Variants in PBX3 observed in about 807,000 individuals in gnomAD.
The protein encoded by PBX3 is PBX homeobox 3, also known as pre-B-cell leukemia transcription factor 3.
In PBX3, 14 loss-of-function variants were observed where a neutral mutation model predicts 48.5. The ratio of observed to expected loss-of-function variants is 0.29; its 90% CI spans 0.19 to 0.45. PBX3 has a LOEUF of 0.45. Ranked by LOEUF, PBX3 falls within the 20% of genes least tolerant of loss-of-function variation. PBX3 has a pLI of 1.00. For synonymous variants in PBX3, 210 were observed against 200.3 expected, an observed-to-expected ratio of 1.05 and a Z score of -0.41; for missense variants, 386 against 546.7, an observed-to-expected ratio of 0.71 and a Z score of 2.93.
chr9:125,791,301 G>GTCTATCTATCTA (rs61202902), intron 2 of PBX3, among the ~76,000 whole-genome samples: 6,872 of 108,888 alleles, frequency 0.063, 180 homozygotes, highest in African/African-American at 0.071. Flanking sequence ...CTGTCTGTCT[G>GTCTATCTATCTA]TCTATCTATC....
At chr9:125,747,872 G>C (rs1197806911) in intron 1 of PBX3, among the ~76,000 whole-genome samples, 2 of 151,760 alleles carry the variant, frequency 1.3e-5, no homozygotes, top group African/African-American at 2.4e-5. Flanking sequence ...GGACGGACTC[G>C]GTGCGGCGCG....
chr9:125,785,330 G>A (rs766836854), intron 2 of PBX3, among the ~76,000 whole-genome samples: 1 of 152,194 alleles, frequency 6.6e-6, no homozygotes, highest in Non-Finnish European at 1.5e-5. Context: ...GCGTGGGTGG[G>A]CACCATTCAA....
chr9:125,895,981 T>C (rs551868884), intron 2 of PBX3, among the ~76,000 whole-genome samples: 2 of 152,180 alleles, frequency 1.3e-5, no homozygotes, highest in East Asian at 3.9e-4. Context: ...TCACACTACT[T>C]AGATTTTAAT....
intron 2 of PBX3, among the ~76,000 whole-genome samples, chr9:125,902,196 A>T (rs1386768741): frequency 6.6e-6 from 1 of 151,644 alleles, no homozygotes; most frequent in African/African-American, 2.4e-5. Flanking sequence ...ATTAGACTGA[A>T]TTTTTAGTTA....
At chr9:125,892,226 A>G (rs76059694) in intron 2 of PBX3, among the ~76,000 whole-genome samples, 5,636 of 152,186 alleles carry the variant, frequency 0.037, 362 homozygotes, top group African/African-American at 0.13. Flanking sequence ...CCTGGCCTCA[A>G]TCAGCATTTT....
chr9:125,911,457 C>T (rs1841201319), intron 2 of PBX3, among the ~76,000 whole-genome samples: 1 of 152,042 alleles, frequency 6.6e-6, no homozygotes, highest in South Asian at 2.1e-4. Flanking sequence ...CACTATCCTG[C>T]ATGTTACTTT....
intron 2 of PBX3, among the ~76,000 whole-genome samples, chr9:125,819,123 A>G (rs1428554101): frequency 6.6e-6 from 1 of 151,530 alleles, no homozygotes; most frequent in Non-Finnish European, 1.5e-5. Context: ...GGTATGGGCC[A>G]CTGTGCCTGG....
chr9:125,854,562 C>A (rs1447438384), intron 2 of PBX3, among the ~76,000 whole-genome samples: 3 of 152,142 alleles, frequency 2.0e-5, no homozygotes, highest in Non-Finnish European at 4.4e-5. Flanking sequence ...ATTAACATTT[C>A]TTCTCTAGTT....
At chr9:125,831,769 A>G (rs1314994485) in intron 2 of PBX3, among the ~76,000 whole-genome samples, 3 of 152,172 alleles carry the variant, frequency 2.0e-5, no homozygotes, top group East Asian at 3.8e-4. Flanking sequence ...ACATTTGTCC[A>G]GTGGGAACCC....
At chr9:125,952,292 G>T (rs1340510539) in intron 5 of PBX3, among the ~76,000 whole-genome samples, 2 of 152,150 alleles carry the variant, frequency 1.3e-5, no homozygotes, top group African/African-American at 4.8e-5. Flanking sequence ...CCAAACAAGT[G>T]CAGATCCTCT....
Position 125,965,925 on chromosome 9 carries a change from C to T in PBX3, c.*2C>T, listed in dbSNP as rs1842522853. 6.2e-7 allele frequency: 1 copy of T among 1,608,728 alleles called. No homozygotes were observed. ...GTGCACTCGGATACCTCTAACTAATCTCTGGCCACACTTTTCCCTGAGCTA... is the reference window on the plus strand; with the variant it reads ...GTGCACTCGGATACCTCTAACTAATTTCTGGCCACACTTTTCCCTGAGCTA... On this transcript the variant is annotated 3_prime_UTR_variant, in exon 9 of 9. Transcript: ENST00000373489.
intron 2 of PBX3, among the ~76,000 whole-genome samples, chr9:125,903,260 G>C (rs1840993173): frequency 6.6e-6 from 1 of 151,738 alleles, no homozygotes; most frequent in Non-Finnish European, 1.5e-5. Flanking sequence ...ATACACATGT[G>C]ATTCAGTTAT....
chr9:125,955,350 C>G (rs140355493), intron 5 of PBX3, among the ~76,000 whole-genome samples: 402 of 152,298 alleles, frequency 2.6e-3, no homozygotes, highest in African/African-American at 9.0e-3. Flanking sequence ...GGTACCAATG[C>G]CTTCCCCATC....
At chr9:125,882,362 A>AG (rs1840402008) in intron 2 of PBX3, among the ~76,000 whole-genome samples, 1 of 152,012 alleles carries the variant, frequency 6.6e-6, no homozygotes, top group African/African-American at 2.4e-5. Flanking sequence ...TGTGTCTCAA[A>AG]TGAAGAGTTT....
At chr9:125,790,254 CTTTCT>C (rs1252629730) in intron 2 of PBX3, among the ~76,000 whole-genome samples, 2 of 150,566 alleles carry the variant, frequency 1.3e-5, no homozygotes, top group African/African-American at 5.0e-5. Context: ...TTCTTTCTTT[CTTTCT>C]TTTTTTTTTT....
intron 2 of PBX3, among the ~76,000 whole-genome samples, chr9:125,831,794 C>T (rs1838969385): frequency 6.6e-6 from 1 of 152,158 alleles, no homozygotes; most frequent in South Asian, 2.1e-4. Context: ...AAGTTGGCTC[C>T]TGTGTCCTTC....
intron 2 of PBX3, among the ~76,000 whole-genome samples, chr9:125,763,994 C>A (rs1040317792): frequency 2.0e-5 from 3 of 152,154 alleles, no homozygotes; most frequent in African/African-American, 4.8e-5. Flanking sequence ...CTTGTTAGAT[C>A]ATTTCCCTTC....
intron 2 of PBX3, among the ~76,000 whole-genome samples, chr9:125,845,134 A>G (rs571303800): frequency 3.3e-5 from 5 of 152,188 alleles, no homozygotes; most frequent in Non-Finnish European, 7.4e-5. Flanking sequence ...AGGGATTGCT[A>G]TGTCTCCGTA....
chr9:125,852,055 A>G (rs1028516480), intron 2 of PBX3, among the ~76,000 whole-genome samples: 1 of 152,178 alleles, frequency 6.6e-6, no homozygotes, highest in African/African-American at 2.4e-5. Flanking sequence ...AAATAAATAA[A>G]AAGAGCAGAA....
Sources: allele counts gnomAD v4.1 joint callset (sites outside exome capture counted in the v4.1 genomes callset), GRCh38; gene constraint gnomAD v4.1.1; transcripts MANE v1.5; gene names NCBI Gene and HGNC (gene_info 2026-07-23, HGNC 2026-07-21).